Variants in ANKRD30A observed in about 807,000 individuals in gnomAD.
ANKRD30A encodes the protein ankyrin repeat domain-containing protein 30A.
Under a neutral mutation model 166.3 loss-of-function variants are expected in ANKRD30A, and 170 were observed. That is an observed-to-expected ratio of 1.02 (90% confidence interval 0.90 to 1.16). The LOEUF (loss-of-function observed/expected upper bound fraction) is 1.16. Among genes scored for constraint, ANKRD30A ranks in the 50% most tolerant of loss-of-function variants. The probability of loss-of-function intolerance (pLI) is 0.00; values close to 1 mark genes in which losing one functional copy is unlikely to be tolerated. For synonymous variants in ANKRD30A, 564 were observed against 508.9 expected (o/e 1.11, Z -1.46); for missense variants, 1,630 against 1,518.0 (o/e 1.07, Z -1.23).
At chr10:37,204,764 A>G (rs1002356123) in intron 31 of ANKRD30A, among the ~76,000 whole-genome samples, 7 of 152,136 alleles carry the variant, frequency 4.6e-5, no homozygotes, top group Non-Finnish European at 1.0e-4. Flanking sequence ...AAAAAATCAA[A>G]CACCCCATGA....
At chr10:37,200,919 G>A (rs546659279) in intron 30 of ANKRD30A, among the ~76,000 whole-genome samples, 1 of 151,930 alleles carries the variant, frequency 6.6e-6, no homozygotes, top group Non-Finnish European at 1.5e-5. Flanking sequence ...TGTTGTTGAG[G>A]ACGACAACAT....
intron 6 of ANKRD30A, among the ~76,000 whole-genome samples, chr10:37,139,092 A>G (rs1193794122): frequency 1.3e-5 from 2 of 152,246 alleles, no homozygotes; most frequent in Non-Finnish European, 2.9e-5. Flanking sequence ...AAAGAAAAGA[A>G]TTTTCAACCC....
chr10:37,137,660 G>A (rs114359843), intron 6 of ANKRD30A, among the ~76,000 whole-genome samples: 1,969 of 152,240 alleles, frequency 0.013, 45 homozygotes, highest in African/African-American at 0.045. Context: ...ACTGTAAGGT[G>A]ACAGTGAGGT....
chr10:37,137,001 GTT>G, intron 6 of ANKRD30A, among the ~76,000 whole-genome samples: 1 of 151,976 alleles, frequency 6.6e-6, no homozygotes. Context: ...AATAACGCAA[GTT>G]TTAAGTTTGT....
At position 37,216,268 on chromosome 10, in the gene ANKRD30A, C is replaced by T; in HGVS notation, c.2957C>T (p.Thr986Ile). The T allele has an allele frequency of 6.2e-7, 1 of 1,608,070 alleles. No individual in the cohort carries two copies. Among genetic ancestry groups the T allele is most frequent in the African/African-American group, 1.3e-5 (1 of 74,546 alleles). ...ELQKDHCEQR[T>I]GKMEQMKKKF... ...CAAAAAGATCACTGTGAACAACGTA[C>T]AGGAAAAATGGAACAAATGAAAAAG... Residue 986 changes from threonine to isoleucine, a missense_variant, in exon 32 of 36, where the codon ACA becomes ATA. Physicochemically the swap from Thr to Ile is moderately conservative, Grantham distance 89. Coordinates refer to ENST00000361713, the MANE Select transcript of ANKRD30A (RefSeq NM_052997.3).
the ANKRD30A span, among the ~76,000 whole-genome samples, chr10:37,253,865 T>C: frequency 2.6e-5 from 4 of 152,092 alleles, no homozygotes; most frequent in Non-Finnish European, 4.4e-5. Flanking sequence ...TTAGCCAGGA[T>C]GGTCTCGATC....
intron 6 of ANKRD30A, among the ~76,000 whole-genome samples, chr10:37,138,818 G>A (rs1241220762): frequency 6.6e-6 from 1 of 152,182 alleles, no homozygotes; most frequent in Non-Finnish European, 1.5e-5. Context: ...ATATTATCCA[G>A]GAGAACTTCC....
chr10:37,208,759 C>G (rs1220539571), intron 31 of ANKRD30A, among the ~76,000 whole-genome samples: 1 of 152,096 alleles, frequency 6.6e-6, no homozygotes, highest in East Asian at 1.9e-4. Context: ...AAGCCACACC[C>G]TCCAAGGTGA....
At chr10:37,244,481 A>G in the ANKRD30A span, among the ~76,000 whole-genome samples, 1 of 152,216 alleles carries the variant, frequency 6.6e-6, no homozygotes, top group Non-Finnish European at 1.5e-5. Flanking sequence ...TTTTTCATCC[A>G]TGTTAGAATG....
At chr10:37,249,130 AG>A in the ANKRD30A span, among the ~76,000 whole-genome samples, 2 of 152,180 alleles carry the variant, frequency 1.3e-5, no homozygotes. Context: ...ACAGTCTCTG[AG>A]GCCCTGGCTT....
At chr10:37,128,145 A>G (rs1402280825) in intron 1 of ANKRD30A, among the ~76,000 whole-genome samples, 1 of 152,120 alleles carries the variant, frequency 6.6e-6, no homozygotes, top group African/African-American at 2.4e-5. Flanking sequence ...ATACATACAC[A>G]TAGACTATGG....
At chr10:37,149,202 T>G (rs1321583029) in intron 9 of ANKRD30A, among the ~76,000 whole-genome samples, 1 of 152,002 alleles carries the variant, frequency 6.6e-6, no homozygotes, top group Non-Finnish European at 1.5e-5. Flanking sequence ...TCCAAGCTGA[T>G]CAATTCATAA....
At chr10:37,154,730 G>A (rs561342246) in intron 13 of ANKRD30A, among the ~76,000 whole-genome samples, 1 of 152,286 alleles carries the variant, frequency 6.6e-6, no homozygotes, top group South Asian at 2.1e-4. Context: ...AAGCCAGCTA[G>A]ATGATTTTGG....
the ANKRD30A span, among the ~76,000 whole-genome samples, chr10:37,251,634 C>T: frequency 2.0e-5 from 3 of 152,126 alleles, no homozygotes; most frequent in East Asian, 1.9e-4. Context: ...CAATTTTCTC[C>T]GCCATCCATG....
At chr10:37,140,400 G>C (rs796986667) in intron 6 of ANKRD30A, among the ~76,000 whole-genome samples, 1 of 152,280 alleles carries the variant, frequency 6.6e-6, no homozygotes, top group South Asian at 2.1e-4. Flanking sequence ...CTTAGCCAGG[G>C]TGCCTCAGTA....
At chr10:37,127,463 G>C (rs1457685297) in intron 1 of ANKRD30A, among the ~76,000 whole-genome samples, 1 of 151,996 alleles carries the variant, frequency 6.6e-6, no homozygotes, top group Non-Finnish European at 1.5e-5. Context: ...CTGCATATGA[G>C]AAAAAATAAA....
intron 3 of ANKRD30A, among the ~76,000 whole-genome samples, chr10:37,131,225 A>G (rs1836361950): frequency 6.6e-6 from 1 of 152,104 alleles, no homozygotes; most frequent in Non-Finnish European, 1.5e-5. Flanking sequence ...TTATTATGCT[A>G]ATGCATATAG....
intron 13 of ANKRD30A, among the ~76,000 whole-genome samples, chr10:37,154,345 T>C (rs552222110): frequency 2.4e-4 from 37 of 152,344 alleles, no homozygotes; most frequent in South Asian, 1.9e-3. Flanking sequence ...TTCAGCCGAC[T>C]TGGGATTCTG....
chr10:37,202,503 T>A (rs893401061), intron 31 of ANKRD30A, among the ~76,000 whole-genome samples: 2 of 152,110 alleles, frequency 1.3e-5, no homozygotes, highest in African/African-American at 4.8e-5. Flanking sequence ...TAGAGGGAAA[T>A]TTATAGCACT....
Sources: gnomAD v4.1 joint callset for allele counts (sites outside exome capture counted in the v4.1 genomes callset) on GRCh38, gnomAD v4.1.1 for gene constraint, MANE v1.5 for transcripts, NCBI Gene and HGNC (gene_info 2026-07-23, HGNC 2026-07-21) for gene names.